ZNF273: variants seen among roughly 807,000 people sequenced by gnomAD.
ZNF273 encodes zinc finger protein 273, also known as zinc finger protein 9.
Under a neutral mutation model 14.9 loss-of-function variants are expected in ZNF273, and 11 were observed. That is an observed-to-expected ratio of 0.74 (90% CI 0.46 to 1.22). ZNF273 has a LOEUF of 1.22. ZNF273 is among the 50% of genes most tolerant of loss of function. The pLI, the probability that ZNF273 is intolerant of heterozygous loss-of-function variation, is 0.00. For missense variants in ZNF273, 577 were observed against 660.6 expected, an observed-to-expected ratio of 0.87 and a Z score of 1.39; for synonymous variants, 199 against 223.9, an observed-to-expected ratio of 0.89 and a Z score of 0.99.
the ZNF273 span, among the ~76,000 whole-genome samples, chr7:64,936,782 A>C: frequency 6.6e-6 from 1 of 152,230 alleles, no homozygotes; most frequent in Admixed American, 6.5e-5. Flanking sequence ...TGCTACTCAA[A>C]TGAGTGCTCT....
chr7:64,910,527 G>A (rs187038121), intron 1 of ZNF273, among the ~76,000 whole-genome samples: 67 of 152,140 alleles, frequency 4.4e-4, no homozygotes, highest in Non-Finnish European at 7.2e-4. Flanking sequence ...ATTGGTCTAT[G>A]AGCCTGTTTT....
At chr7:64,900,498 G>A (rs143194911), upstream of ZNF273, among the ~76,000 whole-genome samples, 61 of 152,298 alleles carry the variant, frequency 4.0e-4, no homozygotes, top group East Asian at 8.7e-3. Context: ...AAATCGAGCA[G>A]CAAACATGGA....
upstream of ZNF273, among the ~76,000 whole-genome samples, chr7:64,901,618 C>T (rs1390329681): frequency 6.6e-6 from 1 of 152,152 alleles, no homozygotes; most frequent in Non-Finnish European, 1.5e-5. Context: ...TTATTTCTTC[C>T]GTAAGTGAGA....
At chr7:64,887,363 G>A (rs993530616) in intron 1 of ZNF273, among the ~76,000 whole-genome samples, 7 of 152,250 alleles carry the variant, frequency 4.6e-5, no homozygotes, top group Admixed American at 4.6e-4. Flanking sequence ...CTTCCACGTG[G>A]GTCTCCCTCC....
downstream of ZNF273, among the ~76,000 whole-genome samples, chr7:64,933,876 A>G (rs549514762): frequency 1.9e-4 from 29 of 152,326 alleles, no homozygotes; most frequent in African/African-American, 7.0e-4. Context: ...TTTTATGGTG[A>G]GAGCACTTCA....
chr7:64,918,133 A>G lies in ZNF273; in HGVS notation c.230-64A>G. 2.8e-6 allele frequency: 4 copies of G among 1,443,466 alleles called. No individual in the cohort carries two copies. The South Asian group carries it at 4.7e-5, about 17-fold the overall frequency. The allele number at this position is 1,443,466 out of a possible 1,614,324, so 89.4% of individuals were successfully genotyped here. ...CTTAATTACATCCTCTTTACTGAGC[A>G]CATTACTGGTTGATAATTGGAGAAT... On this transcript the variant is annotated intron_variant, in intron 2 of 3. Coordinates refer to ENST00000476120, the MANE Select transcript of ZNF273 (RefSeq NM_021148.3).
intron 1 of ZNF273, among the ~76,000 whole-genome samples, chr7:64,911,864 A>G (rs1793539011): frequency 6.6e-6 from 1 of 151,804 alleles, no homozygotes; most frequent in Non-Finnish European, 1.5e-5. Context: ...TGAGCATTTA[A>G]TGGCATAAAT....
chr7:64,924,712 A>G (rs1343742660), intron 3 of ZNF273, among the ~76,000 whole-genome samples: 2 of 152,006 alleles, frequency 1.3e-5, no homozygotes, highest in South Asian at 2.1e-4. Flanking sequence ...ATTTGCATGG[A>G]ATATTACTTC....
chr7:64,915,475 G>T (rs963209881), intron 1 of ZNF273, among the ~76,000 whole-genome samples: 2 of 152,196 alleles, frequency 1.3e-5, no homozygotes, highest in African/African-American at 4.8e-5. Context: ...TAGTTCTTAT[G>T]GGAAATAAAG....
At chr7:64,923,448 T>G (rs1416907759) in intron 3 of ZNF273, 2 of 447,032 alleles carry the variant, frequency 4.5e-6, no homozygotes, top group Admixed American at 4.9e-5. Flanking sequence ...TTCAAGTGAT[T>G]CTACTGCCTC....
At chr7:64,899,267 G>A (rs1396257817), upstream of ZNF273, among the ~76,000 whole-genome samples, 1 of 152,190 alleles carries the variant, frequency 6.6e-6, no homozygotes, top group African/African-American at 2.4e-5. Context: ...AAAAAAATGT[G>A]ATTTTGGTTA....
chr7:64,891,693 C>T (rs761380255), downstream of ZNF273, among the ~76,000 whole-genome samples: 67 of 152,212 alleles, frequency 4.4e-4, 1 homozygote, highest in Non-Finnish European at 7.3e-4. Flanking sequence ...TATTATGTAT[C>T]ACCAGCCAGG....
chr7:64,902,216 T>A (rs1370472695), upstream of ZNF273, among the ~76,000 whole-genome samples: 2 of 151,632 alleles, frequency 1.3e-5, no homozygotes, highest in African/African-American at 4.8e-5. Flanking sequence ...CTTTTTTTTT[T>A]AAGTTTGGCT....
Position 64,928,245 on chromosome 7 carries a change from C to G in ZNF273, c.917C>G (p.Thr306Ser). The change falls in exon 4 of 4, where the codon ACT becomes AGT. Residue 306 changes from threonine to serine, a missense_variant. By Grantham distance (58) the Thr-to-Ser change is moderately conservative. This residue lies in a region of ZNF273 where 411 missense variants were observed against 440.4 expected (regional missense o/e 0.93). Transcript: ENST00000476120. ...GTCTTTAGTGTATTTTCAGTCCTTA[C>G]TAAACATAAGATAATTCATACAGGA... ...GKVFSVFSVL[T>S]KHKIIHTGTK... The G allele has an allele frequency of 1.9e-6, 3 of 1,612,974 alleles. No homozygotes were observed. The African/African-American group carries it at 4.0e-5, about 22-fold the overall frequency.
chr7:64,904,008 G>T (rs1016533773), intron 1 of ZNF273, among the ~76,000 whole-genome samples: 7 of 152,132 alleles, frequency 4.6e-5, no homozygotes, highest in Admixed American at 4.6e-4. Context: ...GTCATCAGAG[G>T]TTAATTGGCA....
At chr7:64,889,731 G>T (rs1791855068), downstream of ZNF273, 1 of 985,896 alleles carries the variant, frequency 1.0e-6, no homozygotes, top group Non-Finnish European at 1.2e-6. This position sits in a 1 kb window ranked among gnomAD's most constrained non-coding sequence, Gnocchi z 4.2. Context: ...GCTGGACACC[G>T]AGCACCATCC....
At chr7:64,878,615 A>G (rs1000684241) in intron 2 of ZNF273, 1 of 152,224 alleles carries the variant, frequency 6.6e-6, no homozygotes, top group Admixed American at 6.5e-5. Context: ...TCATTGCAGA[A>G]GCTTTGCACA....
At chr7:64,884,589 G>T (rs1309645116), downstream of ZNF273, among the ~76,000 whole-genome samples, 2 of 152,254 alleles carry the variant, frequency 1.3e-5, no homozygotes, top group African/African-American at 2.4e-5. Flanking sequence ...CTCCCTGGGG[G>T]GCCCTGGATG....
chr7:64,916,941 A>G (rs1794049334), intron 1 of ZNF273: 1 of 1,134,196 alleles, frequency 8.8e-7, no homozygotes, highest in African/African-American at 1.7e-5. Context: ...ATAAACCATC[A>G]CATTTAATCT....
Sources: gnomAD v4.1 joint callset for allele counts (sites outside exome capture counted in the v4.1 genomes callset) on GRCh38, gnomAD v4.1.1 for gene constraint, gnomAD v4.1.1 regional missense constraint, Gnocchi (gnomAD v3.1) non-coding constraint, MANE v1.5 for transcripts, NCBI Gene and HGNC (gene_info 2026-07-23, HGNC 2026-07-21) for gene names.